Variants in DPYSL2 observed in about 807,000 individuals in gnomAD.
The protein encoded by DPYSL2 is dihydropyrimidinase-related protein 2.
DPYSL2 carries 13 observed loss-of-function variants against 69.9 expected under a neutral mutation model. The ratio of observed to expected loss-of-function variants is 0.19; its 90% CI spans 0.12 to 0.30. The LOEUF is 0.30. Among genes scored for constraint, DPYSL2 ranks in the 10% least tolerant of loss-of-function variants. The pLI, the probability that DPYSL2 is intolerant of heterozygous loss-of-function variation, is 1.00. For synonymous variants in DPYSL2, 326 were observed against 359.1 expected (o/e 0.91, Z 1.04); for missense variants, 587 against 918.9 (o/e 0.64, Z 4.67).
intron 1 of DPYSL2, among the ~76,000 whole-genome samples, chr8:26,575,348 T>A (rs1428585289): frequency 6.6e-6 from 1 of 151,392 alleles, no homozygotes. Context: ...TACCTGTGGT[T>A]TTTTGTTTTT....
intron 1 of DPYSL2, among the ~76,000 whole-genome samples, chr8:26,569,345 C>T (rs183177598): frequency 1.5e-4 from 19 of 127,914 alleles, no homozygotes; most frequent in Non-Finnish European, 2.5e-4. Flanking sequence ...CAGGGCAAGA[C>T]CCTATCTCCA....
At chr8:26,548,954 T>C (rs926037160) in intron 1 of DPYSL2, among the ~76,000 whole-genome samples, 4 of 152,078 alleles carry the variant, frequency 2.6e-5, no homozygotes, top group Non-Finnish European at 5.9e-5. Flanking sequence ...TTTGGGAAGC[T>C]GAGGCGGGCA....
rs1802465239 is a variant in DPYSL2, at chr8:26,620,888, TTATC to T, written c.629-3251_629-3248del. On this transcript the variant is annotated intron_variant, in intron 3 of 13. Coordinates refer to ENST00000521913, the MANE Select transcript of DPYSL2 (RefSeq NM_001197293.3). The surrounding 1 kb of genome is among the most constrained non-coding windows in gnomAD (Gnocchi z 4.5). Reference sequence around the variant, plus strand: ...ATGTATAAGACTAAATGTCAAGTATTTATCTATACAAACACACACATATGTACAC... The same window carrying T: ...ATGTATAAGACTAAATGTCAAGTATTTATACAAACACACACATATGTACAC... Among the ~76,000 whole-genome samples the T allele has an allele frequency of 6.6e-6, 1 of 152,172 alleles. No homozygotes were observed. Among genetic ancestry groups the T allele is most frequent in the Non-Finnish European group, 1.5e-5 (1 of 68,040 alleles).
chr8:26,624,904 C>T lies in DPYSL2; in HGVS notation c.793+597C>T, dbSNP rs1432955757. 2.6e-5 allele frequency among the ~76,000 whole-genome samples: 4 copies of T among 152,252 alleles called. No homozygotes were observed. The highest frequency in any genetic ancestry group is 2.1e-4 in the South Asian group (1 of 4,808). On this transcript the variant is annotated intron_variant, in intron 4 of 13. Coordinates refer to ENST00000521913, the MANE Select transcript of DPYSL2 (RefSeq NM_001197293.3). This position sits in a 1 kb window ranked among gnomAD's most constrained non-coding sequence, Gnocchi z 4.7. ...AAGGTGCCTCTGGGACTCTTGTCAA[C>T]AAGAACCTCGGGGGTTTGCGGGGAA...
At chr8:26,521,157 G>GT (rs1448689081) in intron 1 of DPYSL2, among the ~76,000 whole-genome samples, 2 of 152,208 alleles carry the variant, frequency 1.3e-5, no homozygotes, top group African/African-American at 4.8e-5. Context: ...GATTTAGTTG[G>GT]TTGCAGCTGG....
chr8:26,547,510 A>G (rs953203720), intron 1 of DPYSL2, among the ~76,000 whole-genome samples: 6 of 152,250 alleles, frequency 3.9e-5, no homozygotes, highest in Non-Finnish European at 8.8e-5. Flanking sequence ...CAGAACAAGC[A>G]TCATAACCAG....
In DPYSL2 at chr8:26,626,512, C is replaced by CACACGT. The variant is rs1802616422; in HGVS notation, c.794-101_794-100insGTACAC. ...ACACACACACACACACACACACACACACACACACACGTACACACACAGACA... is the reference window on the plus strand; with the variant it reads ...ACACACACACACACACACACACACACACACGTACACACACACGTACACACACAGACA... On this transcript the variant is annotated intron_variant, in intron 4 of 13. Transcript: ENST00000521913. This position sits in a 1 kb window ranked among gnomAD's most constrained non-coding sequence, Gnocchi z 4.3. 1.1e-6 allele frequency: 1 copy of CACACGT among 906,608 alleles called. No individual in the cohort carries two copies. Among genetic ancestry groups the CACACGT allele is most frequent in the African/African-American group, 1.6e-5 (1 of 61,470 alleles). 56.2% of individuals were successfully genotyped at this position (906,608 alleles called of 1,614,324 possible).
Position 26,562,849 on chromosome 8 carries a change from C to T in DPYSL2, c.355-19120C>T, listed in dbSNP as rs867906487. ...AATGGCTTTGGGTGACTTGAACAAC[C>T]GGGGTGGAGTCCTCCAGAATCTTTC... On this transcript the variant is annotated intron_variant, in intron 1 of 13. Transcript: ENST00000521913. The surrounding 1 kb of genome is among the most constrained non-coding windows in gnomAD (Gnocchi z 4.9). 9.9e-5 allele frequency among the ~76,000 whole-genome samples: 15 copies of T among 152,236 alleles called. No homozygotes were observed. The South Asian group carries it at 1.7e-3, about 17-fold the overall frequency.
At chr8:26,536,310 C>T (rs1202340263) in intron 1 of DPYSL2, among the ~76,000 whole-genome samples, 1 of 151,808 alleles carries the variant, frequency 6.6e-6, no homozygotes, top group African/African-American at 2.4e-5. Context: ...CTTCTGGGCT[C>T]AGCCTCCCAA....
At chr8:26,554,134 C>T (rs1156650166) in intron 1 of DPYSL2, among the ~76,000 whole-genome samples, 2 of 152,146 alleles carry the variant, frequency 1.3e-5, no homozygotes, top group East Asian at 1.9e-4. Flanking sequence ...GTGATCCACC[C>T]GCCTTGGCCT....
At chr8:26,592,851 G>A (rs1391743906) in intron 3 of DPYSL2, among the ~76,000 whole-genome samples, 1 of 152,064 alleles carries the variant, frequency 6.6e-6, no homozygotes, top group Admixed American at 6.6e-5. Flanking sequence ...ACCATCCATG[G>A]CTCTGACCCC....
chr8:26,540,897 T>C (rs1445322400), intron 1 of DPYSL2, among the ~76,000 whole-genome samples: 1 of 127,700 alleles, frequency 7.8e-6, no homozygotes, highest in Non-Finnish European at 1.7e-5. Context: ...AGAGTGAGAC[T>C]CTGTCTCAAA....
Position 26,642,972 on chromosome 8 carries a change from G to A in DPYSL2, c.1127-467G>A, listed in dbSNP as rs539601600. ...GTGATGTCATGTGTGATTTCCTCCC[G>A]CAGACCTTTAGTCAGAGCTAGACAC... On this transcript the variant is annotated intron_variant, in intron 8 of 13. Coordinates refer to ENST00000521913, the MANE Select transcript of DPYSL2 (RefSeq NM_001197293.3). This position sits in a 1 kb window ranked among gnomAD's most constrained non-coding sequence, Gnocchi z 5.3. The A allele has an allele frequency of 1.9e-3, 291 of 153,586 alleles. No individual in the cohort carries two copies. The highest frequency in any genetic ancestry group is 3.5e-3 in the Non-Finnish European group (241 of 69,024). The allele number at this position is 153,586 out of a possible 1,614,324, so 9.5% of individuals were successfully genotyped here.
chr8:26,556,328 GTATATATATAGTATATATATATAGTA>G lies in DPYSL2; in HGVS notation c.355-25610_355-25585del, dbSNP rs1337283230. Among the ~76,000 whole-genome samples the G allele has an allele frequency of 1.4e-3, 24 of 17,672 alleles. 2 individuals carry two copies. Among genetic ancestry groups the G allele is most frequent in the African/African-American group, 2.4e-3 (21 of 8,700 alleles). 11.6% of individuals were successfully genotyped at this position (17,672 alleles called of 152,430 possible). ...ATAGTATATATATACTATATATATAGTATATATATAGTATATATATATAGTATATATATATAGTATATATATATAGT... is the reference window on the plus strand; with the variant it reads ...ATAGTATATATATACTATATATATAGTATATATATAGTATATATATATAGT... On this transcript the variant is annotated intron_variant, in intron 1 of 13. Transcript: ENST00000521913.
At chr8:26,519,271 T>C (rs2322128) in intron 1 of DPYSL2, among the ~76,000 whole-genome samples, 91,270 of 152,096 alleles carry the variant, frequency 0.6, 29,662 homozygotes, top group East Asian at 0.9. Context: ...AAATGTGTAC[T>C]ATCATTGAAT....
At chr8:26,543,860 G>T (rs1272067022) in intron 1 of DPYSL2, among the ~76,000 whole-genome samples, 1 of 152,168 alleles carries the variant, frequency 6.6e-6, no homozygotes, top group East Asian at 1.9e-4. Flanking sequence ...GGCCGGGCTG[G>T]TCTTGAACTC....
At chr8:26,583,290 C>T (rs1017464272) in intron 2 of DPYSL2, among the ~76,000 whole-genome samples, 3 of 151,230 alleles carry the variant, frequency 2.0e-5, no homozygotes, top group Non-Finnish European at 4.4e-5. Context: ...ACTAAACACA[C>T]GCTTCCAAAA....
chr8:26,570,636 A>G (rs1163824266), intron 1 of DPYSL2, among the ~76,000 whole-genome samples: 2 of 149,442 alleles, frequency 1.3e-5, no homozygotes, highest in Non-Finnish European at 3.0e-5. Flanking sequence ...TGAGAGGCTG[A>G]GGCATGAGAA....
At chr8:26,611,744 G>A (rs578180265) in intron 3 of DPYSL2, among the ~76,000 whole-genome samples, 4 of 152,286 alleles carry the variant, frequency 2.6e-5, no homozygotes, top group South Asian at 2.1e-4. Flanking sequence ...CCACGATTTC[G>A]TCATCCTGCT....
Sources: allele counts gnomAD v4.1 joint callset (sites outside exome capture counted in the v4.1 genomes callset), GRCh38; gene constraint gnomAD v4.1.1; non-coding constraint Gnocchi (gnomAD v3.1); transcripts MANE v1.5; gene names NCBI Gene and HGNC (gene_info 2026-07-23, HGNC 2026-07-21).